VWA3B: variants seen among roughly 807,000 people sequenced by gnomAD.
VWA3B encodes the protein von Willebrand factor A domain containing 3B.
Under a neutral mutation model 158.3 loss-of-function variants are expected in VWA3B, and 138 were observed. That is an observed-to-expected ratio of 0.87 (90% CI 0.76 to 1.00). The LOEUF (loss-of-function observed/expected upper bound fraction) is 1.00, where lower values mean the gene tolerates loss of function less well. Ranked by LOEUF, VWA3B falls within the 50% of genes least tolerant of loss-of-function variation. The probability of loss-of-function intolerance (pLI) is 0.00; values close to 1 mark genes in which losing one functional copy is unlikely to be tolerated. For missense variants in VWA3B, 1,555 were observed against 1,565.1 expected, an observed-to-expected ratio of 0.99 and a Z score of 0.11; for synonymous variants, 596 against 587.3, an observed-to-expected ratio of 1.01 and a Z score of -0.21.
intron 19 of VWA3B, among the ~76,000 whole-genome samples, chr2:98,241,811 C>T (rs1277380644): frequency 6.6e-6 from 1 of 152,096 alleles, no homozygotes; most frequent in Non-Finnish European, 1.5e-5. Context: ...CTGCACAGCA[C>T]ACTTGCCCTC....
intron 21 of VWA3B, among the ~76,000 whole-genome samples, chr2:98,262,610 T>G (rs1024112389): frequency 1.3e-5 from 2 of 151,886 alleles, no homozygotes; most frequent in Admixed American, 1.3e-4. Context: ...GACTCTTTAT[T>G]CTGTTCCAGT....
intron 2 of VWA3B, among the ~76,000 whole-genome samples, chr2:98,115,351 AG>A (rs926905758): frequency 1.3e-5 from 2 of 152,176 alleles, no homozygotes; most frequent in African/African-American, 4.8e-5. Context: ...GTAAATGATG[AG>A]TTGATGGTTG....
chr2:98,329,738 G>C, the VWA3B span, among the ~76,000 whole-genome samples: 1 of 152,156 alleles, frequency 6.6e-6, no homozygotes, highest in African/African-American at 2.4e-5. Flanking sequence ...GTTAAACAAG[G>C]GAAGCTATCC....
At chr2:98,177,110 G>A (rs183425096) in intron 8 of VWA3B, among the ~76,000 whole-genome samples, 10 of 152,316 alleles carry the variant, frequency 6.6e-5, no homozygotes, top group Admixed American at 6.5e-4. Flanking sequence ...ACAGGAAGAG[G>A]AGTGGGCACT....
chr2:98,222,146 C>T (rs993441531), intron 14 of VWA3B, among the ~76,000 whole-genome samples: 10 of 152,092 alleles, frequency 6.6e-5, no homozygotes, highest in African/African-American at 1.4e-4. Context: ...TCAGCATCGA[C>T]GAGACTGAAG....
chr2:98,228,817 T>G (rs1286942564), intron 15 of VWA3B: 2 of 152,226 alleles, frequency 1.3e-5, no homozygotes, highest in Non-Finnish European at 2.9e-5. Flanking sequence ...TTCTTATATG[T>G]TTCTAATTTG....
Position 98,093,282 on chromosome 2 carries a change from T to C in VWA3B, c.190T>C (p.Cys64Arg), listed in dbSNP as rs1559526738. The C allele has an allele frequency of 6.2e-7, 1 of 1,613,996 alleles. No homozygotes were observed. The highest frequency in any genetic ancestry group is 8.5e-7 in the Non-Finnish European group (1 of 1,179,928). Reference sequence around the variant, plus strand: ...TTTGTCACAGATCGGATTCCCACATTGTGAAGGTACAGTACTCACAAACAA... The same window carrying C: ...TTTGTCACAGATCGGATTCCCACATCGTGAAGGTACAGTACTCACAAACAA... ...QILSQIGFPH[C>R]EDYVASLGRP... The change falls in exon 2 of 28, where the codon TGT becomes CGT. Residue 64 changes from cysteine to arginine, a missense_variant. Cys to Arg is a radical substitution (Grantham distance 180). Transcript: ENST00000477737.
At position 98,236,555 on chromosome 2, in the gene VWA3B, C is replaced by T; in HGVS notation, c.2517-19C>T. On this transcript the variant is annotated intron_variant, in intron 18 of 27. Transcript: ENST00000477737. The stretch of plus-strand genomic sequence containing the variant: ...CATCAAGTTGTAAATTTTAAAACAC[C>T]ACCTCCTTGTGTTCTTAGTTCTTCA... 6.2e-7 allele frequency: 1 copy of T among 1,613,758 alleles called. No individual in the cohort carries two copies. The highest frequency in any genetic ancestry group is 8.5e-7 in the Non-Finnish European group (1 of 1,179,778).
rs1683566136 is a variant in VWA3B at position 98,212,013 on chromosome 2, T to C, written c.1821T>C (p.Asp607=). Residue 607 remains aspartate, a synonymous_variant, in exon 13 of 28, where the codon GAT becomes GAC. Coordinates refer to ENST00000477737, the MANE Select transcript of VWA3B (RefSeq NM_144992.5). ...KETQAIYLLT[D]GRPDQPPETV... is the part of the protein sequence containing the mutation. ...CACAGGCAATCTACCTTCTGACCGA[T>C]GGGAGACCTGATCAGGTACTTACCA... The C allele has an allele frequency of 6.2e-7, 1 of 1,613,932 alleles. No homozygotes were observed. The highest frequency in any genetic ancestry group is 8.5e-7 in the Non-Finnish European group (1 of 1,179,966).
chr2:98,296,835 C>T (rs1689828877), intron 23 of VWA3B, among the ~76,000 whole-genome samples: 1 of 151,850 alleles, frequency 6.6e-6, no homozygotes, highest in Non-Finnish European at 1.5e-5. Flanking sequence ...CATCTTAACA[C>T]AGGTATTTTC....
intron 7 of VWA3B, among the ~76,000 whole-genome samples, chr2:98,139,362 G>A (rs1413653939): frequency 2.6e-5 from 4 of 152,204 alleles, no homozygotes; most frequent in Admixed American, 2.0e-4. Flanking sequence ...CAGTCCCATC[G>A]ACCACCCAAG....
At position 98,312,466 on chromosome 2, in the gene VWA3B, A is replaced by T; in HGVS notation, c.*117A>T. The T allele has an allele frequency of 2.3e-6, 3 of 1,298,158 alleles. No individual in the cohort carries two copies. The highest frequency in any genetic ancestry group is 3.1e-6 in the Non-Finnish European group (3 of 965,160). The allele number at this position is 1,298,158 out of a possible 1,614,324, so 80.4% of individuals were successfully genotyped here. On this transcript the variant is annotated 3_prime_UTR_variant, in exon 28 of 28. Transcript: ENST00000477737. ...GGTAAGGCCGCCCTCCGCGCCGCCT[A>T]TGCCTGCCCTGTCTGTAGCAAAGAC... is the stretch of plus-strand genomic sequence containing the variant.
chr2:98,201,444 T>G (rs974431454), intron 12 of VWA3B, among the ~76,000 whole-genome samples: 1 of 152,176 alleles, frequency 6.6e-6, no homozygotes, highest in African/African-American at 2.4e-5. Context: ...ATGATTTTAT[T>G]TTTTCCTATC....
intron 21 of VWA3B, among the ~76,000 whole-genome samples, chr2:98,263,170 A>G (rs1687589285): frequency 2.0e-5 from 3 of 152,004 alleles, no homozygotes; most frequent in African/African-American, 7.2e-5. Flanking sequence ...GTATTTGTGG[A>G]ATCTTTAGGG....
chr2:98,199,685 T>C (rs1558665421), intron 12 of VWA3B, among the ~76,000 whole-genome samples: 2 of 152,220 alleles, frequency 1.3e-5, no homozygotes, highest in East Asian at 1.9e-4. Context: ...TAAGCATGCC[T>C]ACTCTTTGCT....
At chr2:98,130,329 CAA>C (rs1344864496) in intron 6 of VWA3B, among the ~76,000 whole-genome samples, 1 of 152,034 alleles carries the variant, frequency 6.6e-6, no homozygotes, top group Admixed American at 6.6e-5. Flanking sequence ...TGCCCAGGGA[CAA>C]GCAGGAGACA....
At chr2:98,126,722 C>T (rs970168206) in intron 5 of VWA3B, among the ~76,000 whole-genome samples, 3 of 152,152 alleles carry the variant, frequency 2.0e-5, no homozygotes, top group African/African-American at 4.8e-5. Context: ...TTTTACTGCT[C>T]GATCAGTACT....
intron 26 of VWA3B, among the ~76,000 whole-genome samples, chr2:98,304,122 TCAC>T (rs1416775385): frequency 1.3e-5 from 2 of 152,188 alleles, no homozygotes; most frequent in Non-Finnish European, 2.9e-5. Flanking sequence ...TTGGGTCCAG[TCAC>T]CTACCTACCT....
intron 21 of VWA3B, chr2:98,269,236 C>A (rs1232576189): frequency 1.3e-5 from 2 of 152,068 alleles, no homozygotes; most frequent in Non-Finnish European, 2.9e-5. Context: ...ACCAATTATC[C>A]CAGCTAGAGA....
Sources: gnomAD v4.1 joint callset for allele counts (sites outside exome capture counted in the v4.1 genomes callset) on GRCh38, gnomAD v4.1.1 for gene constraint, MANE v1.5 for transcripts, NCBI Gene and HGNC (gene_info 2026-07-23, HGNC 2026-07-21) for gene names.